The following ARHGAP6 variants were observed in gnomAD, a reference collection of about 807,000 sequenced individuals.
The protein encoded by ARHGAP6 is Rho GTPase activating protein 6.
ARHGAP6 carries 16 observed loss-of-function variants against 55.7 expected under a neutral mutation model. That is an observed-to-expected ratio of 0.29 (90% CI 0.19 to 0.44). The LOEUF is 0.44. Ranked by LOEUF, ARHGAP6 falls within the 20% of genes least tolerant of loss-of-function variation. The pLI is 1.00. For missense variants in ARHGAP6, 698 were observed against 808.9 expected (o/e 0.86, Z 1.66); for synonymous variants, 382 against 360.9 (o/e 1.06, Z -0.66).
At chrX:11,542,004 GT>G (rs1202563186) in intron 1 of ARHGAP6, among the ~76,000 whole-genome samples, 2 of 108,700 alleles carry the variant, frequency 1.8e-5, no homozygotes, top group African/African-American at 3.4e-5. Context: ...TTGTGTTTGT[GT>G]TTTTCCTTAC....
intron 1 of ARHGAP6, among the ~76,000 whole-genome samples, chrX:11,544,081 C>T (rs951732291): frequency 3.6e-5 from 4 of 112,005 alleles, no homozygotes; most frequent in African/African-American, 9.7e-5. Flanking sequence ...TCCCTATGGC[C>T]CCCTTTCTTA....
chrX:11,463,753 A>G (rs1226601671), intron 1 of ARHGAP6, among the ~76,000 whole-genome samples: 1 of 112,684 alleles, frequency 8.9e-6, no homozygotes, highest in Non-Finnish European at 1.9e-5. Context: ...CTGCCTGTTC[A>G]GTCGGTGTCT....
chrX:11,571,307 C>T (rs1056321733), intron 1 of ARHGAP6, among the ~76,000 whole-genome samples: 3 of 111,293 alleles, frequency 2.7e-5, no homozygotes, highest in Non-Finnish European at 5.6e-5. Flanking sequence ...AAGGCACAGA[C>T]TCTGATGCCA....
intron 1 of ARHGAP6, among the ~76,000 whole-genome samples, chrX:11,257,023 A>T (rs1182226052): frequency 9.0e-6 from 1 of 111,437 alleles, no homozygotes; most frequent in Non-Finnish European, 1.9e-5. Context: ...TTTTGGTATA[A>T]CCAGACTAAG....
intron 9 of ARHGAP6, among the ~76,000 whole-genome samples, chrX:11,164,507 A>G (rs1340902282): frequency 5.3e-5 from 6 of 112,353 alleles, no homozygotes; most frequent in Non-Finnish European, 1.1e-4. Flanking sequence ...AAGTGGCTTT[A>G]AGAAAATGCG....
chrX:11,296,744 CTCTT>C, intron 1 of ARHGAP6: 1 of 1,173,739 alleles, frequency 8.5e-7, no homozygotes, highest in Non-Finnish European at 1.2e-6. Flanking sequence ...CCCTTCCTCT[CTCTT>C]TCTATTCTCC....
chrX:11,514,928 C>T (rs1418323091), intron 1 of ARHGAP6, among the ~76,000 whole-genome samples: 3 of 110,646 alleles, frequency 2.7e-5, no homozygotes, highest in Non-Finnish European at 3.8e-5. Flanking sequence ...TCCCATGAGG[C>T]TTTGAATTCC....
intron 10 of ARHGAP6, chrX:11,144,949 A>G (rs2045669455): frequency 8.9e-6 from 1 of 112,930 alleles, no homozygotes; most frequent in African/African-American, 3.2e-5. Context: ...TGTACTAATT[A>G]GTATACCATT....
intron 1 of ARHGAP6, among the ~76,000 whole-genome samples, chrX:11,655,547 T>C (rs2052628566): frequency 8.9e-6 from 1 of 112,522 alleles, no homozygotes; most frequent in Non-Finnish European, 1.9e-5. Context: ...CACTTGTTAT[T>C]ATCTATCTTT....
intron 1 of ARHGAP6, among the ~76,000 whole-genome samples, chrX:11,351,880 A>C (rs2048867453): frequency 8.9e-6 from 1 of 112,144 alleles, no homozygotes; most frequent in Non-Finnish European, 1.9e-5. Context: ...TGTAGACCAC[A>C]AGTTGTGAGA....
intron 1 of ARHGAP6, among the ~76,000 whole-genome samples, chrX:11,565,765 A>G (rs2051434634): frequency 8.9e-6 from 1 of 112,114 alleles, no homozygotes; most frequent in Non-Finnish European, 1.9e-5. Context: ...TGTTTTCCCA[A>G]CTGAATCCTT....
chrX:11,354,299 C>CTT (rs2048901451), intron 1 of ARHGAP6, among the ~76,000 whole-genome samples: 2 of 35,994 alleles, frequency 5.6e-5, no homozygotes, highest in African/African-American at 9.3e-5. Context: ...CTCTCTTTCT[C>CTT]TCTCTCTCTC....
intron 9 of ARHGAP6, among the ~76,000 whole-genome samples, chrX:11,157,037 G>A (rs2045873854): frequency 8.9e-6 from 1 of 112,495 alleles, no homozygotes; most frequent in Non-Finnish European, 1.9e-5. Flanking sequence ...AATGATGACT[G>A]TATTGGGCAG....
chrX:11,162,341 C>CT (rs1256592817), intron 9 of ARHGAP6, among the ~76,000 whole-genome samples: 3 of 97,139 alleles, frequency 3.1e-5, no homozygotes, highest in African/African-American at 1.1e-4. Flanking sequence ...GTGCCCCCCC[C>CT]CCCATATTTA....
chrX:11,304,096 CT>C (rs758946992), intron 1 of ARHGAP6, among the ~76,000 whole-genome samples: 26 of 104,163 alleles, frequency 2.5e-4, no homozygotes, highest in Admixed American at 5.1e-4. Flanking sequence ...TCACGTTTGT[CT>C]TTTTTTTTTT....
intron 1 of ARHGAP6, among the ~76,000 whole-genome samples, chrX:11,355,097 T>C (rs914203413): frequency 2.6e-4 from 29 of 112,022 alleles, no homozygotes; most frequent in African/African-American, 9.4e-4. Context: ...GTAGGATTTC[T>C]AATGAGCCAA....
At chrX:11,459,456 GT>G (rs1280294524) in intron 1 of ARHGAP6, among the ~76,000 whole-genome samples, 1 of 111,754 alleles carries the variant, frequency 8.9e-6, no homozygotes, top group Non-Finnish European at 1.9e-5. Context: ...TAAAAGGACA[GT>G]TAAAGGGGGC....
At chrX:11,387,722 G>A (rs902257853) in intron 1 of ARHGAP6, among the ~76,000 whole-genome samples, 3 of 110,052 alleles carry the variant, frequency 2.7e-5, no homozygotes, top group Non-Finnish European at 5.7e-5. Flanking sequence ...CCCCACAACA[G>A]GCCCCGGTGT....
At chrX:11,155,790 G>A (rs2045855667) in intron 10 of ARHGAP6, among the ~76,000 whole-genome samples, 1 of 112,158 alleles carries the variant, frequency 8.9e-6, no homozygotes, top group Non-Finnish European at 1.9e-5. Context: ...CCTGGTTAAT[G>A]ATGCTATATT....
Sources: allele counts gnomAD v4.1 joint callset (sites outside exome capture counted in the v4.1 genomes callset), GRCh38; gene constraint gnomAD v4.1.1; transcripts MANE v1.5; gene names NCBI Gene and HGNC (gene_info 2026-07-23, HGNC 2026-07-21).